DGKI: variants seen among roughly 807,000 people sequenced by gnomAD.
DGKI encodes the protein diacylglycerol kinase iota, also known as DAG kinase iota.
Under a neutral mutation model 147.5 loss-of-function variants are expected in DGKI, and 55 were observed. That is an observed-to-expected ratio of 0.37 (90% CI 0.30 to 0.47). The LOEUF is 0.47. DGKI is among the 20% of genes least tolerant of loss of function. The probability of loss-of-function intolerance (pLI) is 1.00; values close to 1 mark genes in which losing one functional copy is unlikely to be tolerated. For missense variants in DGKI, 1,007 were observed against 1,323.8 expected, an observed-to-expected ratio of 0.76 and a Z score of 3.71; for synonymous variants, 469 against 477.1, an observed-to-expected ratio of 0.98 and a Z score of 0.22.
chr7:137,630,148 T>G (rs1821078171), intron 6 of DGKI, among the ~76,000 whole-genome samples: 1 of 152,174 alleles, frequency 6.6e-6, no homozygotes, highest in Non-Finnish European at 1.5e-5. Context: ...AAAATCTAAA[T>G]GCATGTCTCT....
chr7:137,548,167 T>C (rs1817925428), intron 20 of DGKI, among the ~76,000 whole-genome samples: 1 of 152,208 alleles, frequency 6.6e-6, no homozygotes, highest in African/African-American at 2.4e-5. Flanking sequence ...ATTTTAGTAA[T>C]GCTGCTGAGA....
chr7:137,563,153 A>G (rs1477578295), intron 19 of DGKI, among the ~76,000 whole-genome samples: 1 of 151,924 alleles, frequency 6.6e-6, no homozygotes, highest in African/African-American at 2.4e-5. Flanking sequence ...AAGAAAGGGG[A>G]AAATTGTATG....
chr7:137,466,181 G>A (rs1814651020), intron 25 of DGKI, 146 bp from the exon 26 acceptor site: 4 of 955,328 alleles, frequency 4.2e-6, no homozygotes, highest in Non-Finnish European at 4.7e-6. Flanking sequence ...CCAAAGCTGC[G>A]CTAACGCAGA....
intron 1 of DGKI, among the ~76,000 whole-genome samples, chr7:137,739,779 C>T (rs965630289): frequency 1.1e-4 from 9 of 84,154 alleles, no homozygotes; most frequent in African/African-American, 3.5e-4. Context: ...TGTTTTTGGT[C>T]CCTGTTTTTC....
chr7:137,487,595 G>C lies in DGKI; in HGVS notation c.2328+15C>G. On this transcript the variant is annotated intron_variant, in intron 22 of 32. Coordinates refer to ENST00000614521, the MANE Select transcript of DGKI (RefSeq NM_001321708.2). ...GAAAGTTGAGGAGAATAAAAAATTG[G>C]CTAAATAAACTCACCTCCTGTAGGC... The C allele has an allele frequency of 6.2e-7, 1 of 1,610,526 alleles. No homozygotes were observed. The highest frequency in any genetic ancestry group is 8.5e-7 in the Non-Finnish European group (1 of 1,177,144).
At chr7:137,431,008 T>C (rs1422708554) in intron 28 of DGKI, among the ~76,000 whole-genome samples, 1 of 152,142 alleles carries the variant, frequency 6.6e-6, no homozygotes, top group South Asian at 2.1e-4. Context: ...CTCACACAAG[T>C]CTACCACCCT....
chr7:137,408,137 G>C, intron 29 of DGKI, 142 bp from the exon 30 acceptor site: 1 of 949,200 alleles, frequency 1.1e-6, no homozygotes, highest in Non-Finnish European at 1.5e-6. Context: ...AAAAGGTGAA[G>C]TAACATTCCT....
intron 1 of DGKI, among the ~76,000 whole-genome samples, chr7:137,698,403 T>C (rs1823867685): frequency 6.6e-6 from 1 of 152,154 alleles, no homozygotes; most frequent in Non-Finnish European, 1.5e-5. Context: ...AGCTGGACTA[T>C]GAGATAGTTG....
chr7:137,480,482 A>G (rs1445922234), intron 23 of DGKI, among the ~76,000 whole-genome samples: 3 of 152,176 alleles, frequency 2.0e-5, no homozygotes. Context: ...CTAGAACTAG[A>G]CACAATTTTA....
intron 28 of DGKI, among the ~76,000 whole-genome samples, chr7:137,414,732 A>G (rs112338481): frequency 0.015 from 2,306 of 152,266 alleles, 57 homozygotes; most frequent in African/African-American, 0.053. Context: ...AGGCTCTGCA[A>G]GGCCTACAGA....
chr7:137,794,707 G>A (rs1796970359), intron 1 of DGKI, among the ~76,000 whole-genome samples: 1 of 152,164 alleles, frequency 6.6e-6, no homozygotes, highest in African/African-American at 2.4e-5. Context: ...AAGCTTTACT[G>A]CCTCAGTTGT....
At chr7:137,829,346 C>A (rs1219448209) in intron 1 of DGKI, among the ~76,000 whole-genome samples, 1 of 152,168 alleles carries the variant, frequency 6.6e-6, no homozygotes, top group Non-Finnish European at 1.5e-5. Flanking sequence ...CCTGAAAGTA[C>A]AACTTCTTAA....
At chr7:137,806,136 G>T (rs779492376) in intron 1 of DGKI, among the ~76,000 whole-genome samples, 1 of 152,178 alleles carries the variant, frequency 6.6e-6, no homozygotes, top group Non-Finnish European at 1.5e-5. Flanking sequence ...GTAGATGAAG[G>T]TCCCCACCTG....
At chr7:137,407,246 G>A (rs1395488900) in intron 30 of DGKI, among the ~76,000 whole-genome samples, 1 of 152,104 alleles carries the variant, frequency 6.6e-6, no homozygotes, top group African/African-American at 2.4e-5. Context: ...TGCTTCCAAA[G>A]GGTTTTTAGA....
intron 1 of DGKI, among the ~76,000 whole-genome samples, chr7:137,700,915 AAAT>A (rs1823959973): frequency 8.5e-6 from 1 of 117,694 alleles, no homozygotes; most frequent in African/African-American, 2.9e-5. Context: ...ATAAATAAAT[AAAT>A]AAATAAAATA....
chr7:137,803,342 T>C (rs1013688496), intron 1 of DGKI, among the ~76,000 whole-genome samples: 2 of 152,162 alleles, frequency 1.3e-5, no homozygotes, highest in Non-Finnish European at 2.9e-5. Context: ...TACAGGTCAG[T>C]AACAAAGAGC....
At chr7:137,539,562 G>C (rs1817622149) in intron 20 of DGKI, among the ~76,000 whole-genome samples, 1 of 152,022 alleles carries the variant, frequency 6.6e-6, no homozygotes, top group African/African-American at 2.4e-5. Flanking sequence ...GATAAGAATA[G>C]CAATGCAAAG....
chr7:137,557,537 C>T (rs559212790), intron 19 of DGKI, among the ~76,000 whole-genome samples: 1 of 152,254 alleles, frequency 6.6e-6, no homozygotes, highest in Non-Finnish European at 1.5e-5. Flanking sequence ...AATCAGTATT[C>T]TACCTCACGT....
intron 6 of DGKI, among the ~76,000 whole-genome samples, chr7:137,632,849 ACT>A (rs1174756137): frequency 2.0e-5 from 3 of 150,510 alleles, no homozygotes; most frequent in Admixed American, 6.6e-5. Flanking sequence ...ACAAAACAAG[ACT>A]CTGTCTCAAA....
Sources: gnomAD v4.1 joint callset for allele counts (sites outside exome capture counted in the v4.1 genomes callset) on GRCh38, gnomAD v4.1.1 for gene constraint, MANE v1.5 for transcripts, NCBI Gene and HGNC (gene_info 2026-07-23, HGNC 2026-07-21) for gene names.